SPOCK1: variants seen among roughly 807,000 people sequenced by gnomAD.
The protein encoded by SPOCK1 is testican-1.
SPOCK1 carries 23 observed loss-of-function variants against 55.3 expected under a neutral mutation model. The ratio of observed to expected loss-of-function variants is 0.42; its 90% confidence interval spans 0.30 to 0.59. The LOEUF is 0.59. Among genes scored for constraint, SPOCK1 ranks in the 20% least tolerant of loss-of-function variants. The pLI is 0.22. For missense variants in SPOCK1, 499 were observed against 552.5 expected (o/e 0.90, Z 0.97); for synonymous variants, 226 against 221.0 (o/e 1.02, Z -0.20).
At chr5:137,480,287 T>C (rs2149842091) in intron 2 of SPOCK1, among the ~76,000 whole-genome samples, 1 of 147,976 alleles carries the variant, frequency 6.8e-6, no homozygotes, top group African/African-American at 2.5e-5. Context: ...GCTGCAGCTG[T>C]TCACGTTGCT....
intron 9 of SPOCK1, 37 bp from the exon 10 acceptor site, chr5:136,979,506 T>A (rs754457985): frequency 2.0e-6 from 3 of 1,511,964 alleles, no homozygotes; most frequent in Non-Finnish European, 2.7e-6. Flanking sequence ...ATCAGAGACA[T>A]GCAGATGATA....
intron 9 of SPOCK1, among the ~76,000 whole-genome samples, chr5:136,981,933 A>G (rs554931130): frequency 2.0e-5 from 3 of 152,222 alleles, no homozygotes; most frequent in Non-Finnish European, 4.4e-5. Flanking sequence ...AATAGACTGT[A>G]TATGTGACAA....
chr5:137,388,220 C>A (rs1490493041), intron 2 of SPOCK1, among the ~76,000 whole-genome samples: 2 of 152,186 alleles, frequency 1.3e-5, no homozygotes, highest in Non-Finnish European at 2.9e-5. Flanking sequence ...CTAGTATTTA[C>A]TGAGTGGATG....
chr5:137,332,247 CT>C (rs1417271892), intron 2 of SPOCK1, among the ~76,000 whole-genome samples: 1 of 152,178 alleles, frequency 6.6e-6, no homozygotes, highest in Non-Finnish European at 1.5e-5. Context: ...GACTGTGCCC[CT>C]CCCTTTGACC....
intron 3 of SPOCK1, among the ~76,000 whole-genome samples, chr5:137,230,009 A>T (rs1022206103): frequency 6.6e-6 from 1 of 152,156 alleles, no homozygotes. Flanking sequence ...CCTTTGGCCA[A>T]TGAAGGAAAG....
intron 2 of SPOCK1, chr5:137,313,498 A>C: frequency 1.0e-6 from 1 of 985,458 alleles, no homozygotes; most frequent in Non-Finnish European, 1.2e-6. Flanking sequence ...ACCCAAAACA[A>C]GGACACCAGC....
intron 2 of SPOCK1, among the ~76,000 whole-genome samples, chr5:137,473,144 A>C (rs776949012): frequency 1.3e-5 from 2 of 152,242 alleles, no homozygotes; most frequent in Non-Finnish European, 2.9e-5. Flanking sequence ...AACATGAAAC[A>C]ATAAATGCAC....
intron 2 of SPOCK1, among the ~76,000 whole-genome samples, chr5:137,360,368 C>T (rs1014165925): frequency 1.3e-5 from 2 of 152,206 alleles, no homozygotes; most frequent in African/African-American, 2.4e-5. Context: ...CATCTGGACC[C>T]ACATGGACCT....
At chr5:137,195,313 G>T (rs1328934652) in intron 3 of SPOCK1, among the ~76,000 whole-genome samples, 1 of 152,186 alleles carries the variant, frequency 6.6e-6, no homozygotes, top group Non-Finnish European at 1.5e-5. Flanking sequence ...TTCCAGGAAG[G>T]CCTCTCTCAC....
chr5:137,472,222 G>A (rs776570016), intron 2 of SPOCK1, among the ~76,000 whole-genome samples: 19 of 152,208 alleles, frequency 1.2e-4, no homozygotes, highest in Middle Eastern at 6.8e-3. Context: ...TTTAGTCTGC[G>A]GCTGCAATTC....
chr5:137,093,686 G>C (rs1753087571), intron 5 of SPOCK1, among the ~76,000 whole-genome samples: 1 of 152,180 alleles, frequency 6.6e-6, no homozygotes, highest in Non-Finnish European at 1.5e-5. Flanking sequence ...TGCGGAGAAG[G>C]AGCCAGTCCC....
chr5:137,175,292 T>A (rs79355716), intron 3 of SPOCK1, among the ~76,000 whole-genome samples: 1 of 152,120 alleles, frequency 6.6e-6, no homozygotes, highest in Non-Finnish European at 1.5e-5. Context: ...GAGGCCACCA[T>A]TGAAGCACTG....
chr5:137,413,957 GTT>G (rs1402832262), intron 2 of SPOCK1, among the ~76,000 whole-genome samples: 1 of 152,044 alleles, frequency 6.6e-6, no homozygotes, highest in Non-Finnish European at 1.5e-5. Context: ...CCACCCACCT[GTT>G]CTCCTGAAAC....
chr5:136,978,669 G>A lies in SPOCK1; in HGVS notation c.1305C>T (p.Val435=), dbSNP rs531191446. 1.1e-5 allele frequency: 17 copies of A among 1,609,748 alleles called. No homozygotes were observed. The Middle Eastern group carries it at 6.6e-4, about 63-fold the overall frequency. ...EDEDDDKEDE[V]GYIW Reference sequence around the variant, plus strand: ...CTTGTGGGCACTACCATATGTACCCGACCTCATCCTCTTTGTCATCATCCT... The same window carrying A: ...CTTGTGGGCACTACCATATGTACCCAACCTCATCCTCTTTGTCATCATCCT... The change falls in exon 11 of 11, where the codon GTC becomes GTT. Residue 435 remains valine, a synonymous_variant. Transcript: ENST00000394945.
chr5:137,265,716 A>G (rs1756834678), intron 3 of SPOCK1, among the ~76,000 whole-genome samples: 1 of 152,140 alleles, frequency 6.6e-6, no homozygotes, highest in African/African-American at 2.4e-5. Flanking sequence ...AGAGCCTCCA[A>G]AGGAAGGTTT....
chr5:137,315,793 A>C (rs1757870423), intron 2 of SPOCK1, among the ~76,000 whole-genome samples: 1 of 152,184 alleles, frequency 6.6e-6, no homozygotes, highest in African/African-American at 2.4e-5. Flanking sequence ...CAGACAACTT[A>C]TCCGTCCCTC....
chr5:137,101,626 G>T (rs1440649725), intron 5 of SPOCK1, among the ~76,000 whole-genome samples: 1 of 152,184 alleles, frequency 6.6e-6, no homozygotes, highest in Non-Finnish European at 1.5e-5. Context: ...TGACTAATCT[G>T]CATGCTTAAG....
At chr5:137,053,260 A>G (rs1752239984) in intron 6 of SPOCK1, among the ~76,000 whole-genome samples, 1 of 152,102 alleles carries the variant, frequency 6.6e-6, no homozygotes, top group South Asian at 2.1e-4. Context: ...AGGGCAAAGT[A>G]GTCAGTTGTG....
chr5:137,224,174 C>A (rs1755906770), intron 3 of SPOCK1, among the ~76,000 whole-genome samples: 1 of 152,178 alleles, frequency 6.6e-6, no homozygotes, highest in Non-Finnish European at 1.5e-5. Flanking sequence ...AACTTTTCTA[C>A]AGGGAAATTA....
Sources: gnomAD v4.1 joint callset for allele counts (sites outside exome capture counted in the v4.1 genomes callset) on GRCh38, gnomAD v4.1.1 for gene constraint, MANE v1.5 for transcripts, NCBI Gene and HGNC (gene_info 2026-07-23, HGNC 2026-07-21) for gene names.